The following COL11A1 variants were observed in gnomAD, a reference collection of about 807,000 sequenced individuals.
COL11A1 encodes collagen alpha-1(XI) chain.
In COL11A1, 74 loss-of-function variants were observed where a neutral mutation model predicts 265.2. The ratio of observed to expected loss-of-function variants is 0.28; its 90% confidence interval spans 0.23 to 0.34. The LOEUF (loss-of-function observed/expected upper bound fraction) is 0.34, where lower values mean the gene tolerates loss of function less well. Among genes scored for constraint, COL11A1 ranks in the 10% least tolerant of loss-of-function variants. COL11A1 has a pLI of 1.00. For missense variants in COL11A1, 2,165 were observed against 2,263.6 expected (o/e 0.96, Z 0.88); for synonymous variants, 816 against 727.6 (o/e 1.12, Z -1.96).
chr1:103,093,298 T>C (rs963677812), intron 1 of COL11A1, among the ~76,000 whole-genome samples: 1 of 152,044 alleles, frequency 6.6e-6, no homozygotes, highest in African/African-American at 2.4e-5. Flanking sequence ...GCTTTAAAAA[T>C]GTCAAGATAA....
intron 1 of COL11A1, among the ~76,000 whole-genome samples, chr1:103,107,814 T>C (rs943454168): frequency 6.6e-6 from 1 of 151,984 alleles, no homozygotes; most frequent in Non-Finnish European, 1.5e-5. Context: ...GTGAAGGGCA[T>C]TTTCAGCAGG....
At chr1:102,956,420 A>C (rs1439624642) in intron 41 of COL11A1, among the ~76,000 whole-genome samples, 1 of 152,130 alleles carries the variant, frequency 6.6e-6, no homozygotes, top group Non-Finnish European at 1.5e-5. Context: ...AGATTGTCTG[A>C]TATTTTCTGG....
chr1:103,033,257 T>C (rs1326051750), intron 4 of COL11A1, among the ~76,000 whole-genome samples: 2 of 152,102 alleles, frequency 1.3e-5, no homozygotes, highest in African/African-American at 4.8e-5. Context: ...TTGTTTTTAT[T>C]TATTATTTTG....
At chr1:102,988,859 T>C (rs900310345) in intron 29 of COL11A1, among the ~76,000 whole-genome samples, 4 of 152,128 alleles carry the variant, frequency 2.6e-5, no homozygotes, top group Non-Finnish European at 4.4e-5. Context: ...AGAACTTGTA[T>C]ATGGATGTTA....
Position 102,997,364 on chromosome 1 carries a change from G to A in COL11A1, c.2197-240C>T, listed in dbSNP as rs140604412. On this transcript the variant is annotated intron_variant, in intron 25 of 66. Transcript: ENST00000370096. ...GTTTCTTCAAATACATAATGCATTT[G>A]AGAGAGCTTAGAAAAAGCACATAAA... Among the ~76,000 whole-genome samples the A allele has an allele frequency of 0.021, 3,204 of 151,968 alleles. 49 individuals are homozygous for A. Among genetic ancestry groups the A allele is most frequent in the Middle Eastern group, 0.071 (21 of 294 alleles).
chr1:103,084,208 A>T (rs899242365), intron 1 of COL11A1, among the ~76,000 whole-genome samples: 4 of 152,064 alleles, frequency 2.6e-5, no homozygotes, highest in Non-Finnish European at 5.9e-5. Context: ...TTTTTCATCA[A>T]CTCAAACTTC....
At chr1:102,926,555 T>C (rs1178462049) in intron 46 of COL11A1, among the ~76,000 whole-genome samples, 1 of 152,172 alleles carries the variant, frequency 6.6e-6, no homozygotes, top group Non-Finnish European at 1.5e-5. Context: ...GTTAATTACA[T>C]TAGCATCATT....
chr1:102,923,760 A>G (rs1028161815), intron 46 of COL11A1, among the ~76,000 whole-genome samples: 2 of 152,146 alleles, frequency 1.3e-5, no homozygotes, highest in Non-Finnish European at 2.9e-5. Context: ...ATATTTTAGT[A>G]TATGAGGTTT....
At chr1:103,026,536 C>T (rs1571080708) in intron 5 of COL11A1, among the ~76,000 whole-genome samples, 1 of 152,062 alleles carries the variant, frequency 6.6e-6, no homozygotes, top group Admixed American at 6.6e-5. Flanking sequence ...AGCACATTTC[C>T]TATGAGCAGA....
intron 2 of COL11A1, among the ~76,000 whole-genome samples, chr1:103,079,928 A>G (rs1672268131): frequency 6.6e-6 from 1 of 151,912 alleles, no homozygotes; most frequent in South Asian, 2.1e-4. Context: ...AGTTCAAACA[A>G]TTGTAGGAGA....
intron 4 of COL11A1, among the ~76,000 whole-genome samples, chr1:103,037,021 CT>C (rs759043444): frequency 4.9e-4 from 70 of 142,388 alleles, no homozygotes; most frequent in Admixed American, 3.5e-4. Context: ...AAGGATCTCA[CT>C]ATTTTTTTTA....
At chr1:103,064,358 T>C (rs1040969070) in intron 4 of COL11A1, among the ~76,000 whole-genome samples, 1 of 152,102 alleles carries the variant, frequency 6.6e-6, no homozygotes, top group African/African-American at 2.4e-5. Flanking sequence ...TAGAATGTTA[T>C]TCAGCAGTAA....
At chr1:103,055,146 T>G (rs534691720) in intron 4 of COL11A1, among the ~76,000 whole-genome samples, 20 of 152,306 alleles carry the variant, frequency 1.3e-4, no homozygotes, top group African/African-American at 4.6e-4. Flanking sequence ...AGAGTCAACA[T>G]TGTTAACTAC....
chr1:102,968,124 CACA>C (rs996656519), intron 37 of COL11A1, among the ~76,000 whole-genome samples: 2 of 152,178 alleles, frequency 1.3e-5, no homozygotes, highest in African/African-American at 2.4e-5. Context: ...TTTTACAGTT[CACA>C]ACAAGTTGTG....
chr1:102,931,948 G>A (rs541668666), intron 46 of COL11A1, among the ~76,000 whole-genome samples: 104 of 151,100 alleles, frequency 6.9e-4, no homozygotes, highest in African/African-American at 2.5e-3. Flanking sequence ...TTGCTTGGTA[G>A]ATCTTCCTCC....
At chr1:103,101,023 C>T (rs904945731) in intron 1 of COL11A1, among the ~76,000 whole-genome samples, 2 of 151,844 alleles carry the variant, frequency 1.3e-5, no homozygotes, top group Non-Finnish European at 2.9e-5. Context: ...TTTTCTGGAG[C>T]TATGATATTT....
intron 43 of COL11A1, among the ~76,000 whole-genome samples, chr1:102,939,640 G>A (rs552226673): frequency 6.6e-6 from 1 of 151,994 alleles, no homozygotes; most frequent in Non-Finnish European, 1.5e-5. Flanking sequence ...GGAGTTTGAG[G>A]CTGCAGTGAG....
chr1:103,050,709 GT>G (rs1483550579), intron 4 of COL11A1, among the ~76,000 whole-genome samples: 1 of 152,112 alleles, frequency 6.6e-6, no homozygotes, highest in African/African-American at 2.4e-5. Flanking sequence ...TTTCTGCTCT[GT>G]TTTTTCCCCA....
chr1:103,107,794 C>T (rs1182580414), intron 1 of COL11A1, among the ~76,000 whole-genome samples: 1 of 151,982 alleles, frequency 6.6e-6, no homozygotes, highest in East Asian at 1.9e-4. Flanking sequence ...TTCAAAGAGG[C>T]TGGAAAGTGG....
Sources: allele counts gnomAD v4.1 joint callset (sites outside exome capture counted in the v4.1 genomes callset), GRCh38; gene constraint gnomAD v4.1.1; transcripts MANE v1.5; gene names NCBI Gene and HGNC (gene_info 2026-07-23, HGNC 2026-07-21).